The following SGCD variants were observed in gnomAD, a reference collection of about 807,000 sequenced individuals.
SGCD encodes the protein sarcoglycan delta.
A neutral mutation model predicts 36.6 loss-of-function variants in SGCD; 18 were observed. That is an observed-to-expected ratio of 0.49 (90% CI 0.34 to 0.73). SGCD has a LOEUF of 0.73. Ranked by LOEUF, SGCD falls within the 30% of genes least tolerant of loss-of-function variation. The probability of loss-of-function intolerance (pLI) is 0.01; values close to 1 mark genes in which losing one functional copy is unlikely to be tolerated. For synonymous variants in SGCD, 133 were observed against 130.6 expected (o/e 1.02, Z -0.12); for missense variants, 387 against 346.7 (o/e 1.12, Z -0.92).
At chr5:156,708,700 G>T (rs1287137629) in intron 7 of SGCD, among the ~76,000 whole-genome samples, 2 of 152,058 alleles carry the variant, frequency 1.3e-5, no homozygotes, top group Non-Finnish European at 2.9e-5. Context: ...TGAGCAAAGA[G>T]AAAGTGCACT....
At chr5:156,324,487 A>T (rs1014093056), upstream of SGCD, among the ~76,000 whole-genome samples, 2 of 152,130 alleles carry the variant, frequency 1.3e-5, no homozygotes, top group Non-Finnish European at 2.9e-5. Context: ...CAAGTTTTGC[A>T]TAACATTTCT....
intron 1 of SGCD, among the ~76,000 whole-genome samples, chr5:155,981,277 G>T (rs1002761676): frequency 2.0e-5 from 3 of 152,170 alleles, no homozygotes; most frequent in Admixed American, 2.0e-4. Flanking sequence ...CAGAATCCCC[G>T]ACTTGGGGCC....
At chr5:156,324,068 A>T (rs549958104), upstream of SGCD, among the ~76,000 whole-genome samples, 11 of 152,344 alleles carry the variant, frequency 7.2e-5, no homozygotes, top group South Asian at 1.9e-3. Context: ...ATGACATATA[A>T]ATATGAAAAG....
chr5:156,709,645 C>T (rs2113750568), intron 7 of SGCD, among the ~76,000 whole-genome samples: 1 of 152,248 alleles, frequency 6.6e-6, no homozygotes, highest in East Asian at 1.9e-4. Flanking sequence ...TGCAAGCCAC[C>T]ACTTGTATAA....
At chr5:156,379,822 G>T (rs2127746674) in intron 3 of SGCD, among the ~76,000 whole-genome samples, 1 of 152,224 alleles carries the variant, frequency 6.6e-6, no homozygotes, top group Middle Eastern at 3.4e-3. Flanking sequence ...TGTGAGAAAA[G>T]GAGAAATCCA....
the SGCD span, among the ~76,000 whole-genome samples, chr5:155,777,331 T>C: frequency 6.6e-6 from 1 of 150,504 alleles, no homozygotes; most frequent in African/African-American, 2.4e-5. Flanking sequence ...ACCAAACAAT[T>C]GAAGGCTTTG....
At chr5:156,241,343 T>G (rs1765302340) in intron 3 of SGCD, among the ~76,000 whole-genome samples, 1 of 151,530 alleles carries the variant, frequency 6.6e-6, no homozygotes, top group Non-Finnish European at 1.5e-5. Context: ...AAAATAGTCA[T>G]TCAGAAAATT....
chr5:156,212,869 A>G (rs567031365), intron 3 of SGCD, among the ~76,000 whole-genome samples: 1 of 152,230 alleles, frequency 6.6e-6, no homozygotes, highest in Non-Finnish European at 1.5e-5. Flanking sequence ...TCACAAATAC[A>G]TGGAAATTAA....
intron 3 of SGCD, among the ~76,000 whole-genome samples, chr5:156,181,065 T>C (rs972955202): frequency 6.6e-6 from 1 of 152,136 alleles, no homozygotes; most frequent in Non-Finnish European, 1.5e-5. Context: ...TTTCTCTCAG[T>C]GCTTTGGGAA....
chr5:156,274,446 G>A (rs151213766), intron 3 of SGCD, among the ~76,000 whole-genome samples: 72 of 151,898 alleles, frequency 4.7e-4, no homozygotes, highest in Non-Finnish European at 8.4e-4. Context: ...GCTAATATGA[G>A]ACTTTATACA....
At chr5:156,393,646 C>T (rs564671088) in intron 3 of SGCD, 25 of 441,116 alleles carry the variant, frequency 5.7e-5, no homozygotes, top group Admixed American at 5.2e-4. Context: ...AGAGTATTTA[C>T]ACCACAGAAA....
chr5:156,668,104 G>A (rs977744105), intron 7 of SGCD, among the ~76,000 whole-genome samples: 14 of 152,220 alleles, frequency 9.2e-5, no homozygotes, highest in African/African-American at 3.4e-4. Flanking sequence ...CAAAACCCAA[G>A]TGACTTCATC....
intron 1 of SGCD, among the ~76,000 whole-genome samples, chr5:156,012,186 A>G (rs757005068): frequency 1.3e-5 from 2 of 152,222 alleles, no homozygotes; most frequent in Non-Finnish European, 2.9e-5. Flanking sequence ...GATAATCATT[A>G]TTTTTTAAAT....
intron 6 of SGCD, among the ~76,000 whole-genome samples, chr5:156,608,807 T>A (rs1316957753): frequency 6.6e-6 from 1 of 152,172 alleles, no homozygotes; most frequent in Non-Finnish European, 1.5e-5. Context: ...AATGGCCTTC[T>A]TTGTCTCTTT....
At chr5:155,791,650 C>T in the SGCD span, among the ~76,000 whole-genome samples, 1 of 151,916 alleles carries the variant, frequency 6.6e-6, no homozygotes, top group Non-Finnish European at 1.5e-5. Context: ...GAACACAGTC[C>T]CATTTACAAT....
At chr5:156,442,487 A>G (rs2127797179) in intron 3 of SGCD, among the ~76,000 whole-genome samples, 1 of 152,324 alleles carries the variant, frequency 6.6e-6, no homozygotes, top group African/African-American at 2.4e-5. Context: ...TTAAAAAGAC[A>G]ATGCATATAT....
At chr5:156,468,438 A>G (rs568770798) in intron 3 of SGCD, among the ~76,000 whole-genome samples, 1 of 152,102 alleles carries the variant, frequency 6.6e-6, no homozygotes, top group Non-Finnish European at 1.5e-5. Flanking sequence ...ATTGATTGAC[A>G]TAAAAGAGGT....
At chr5:156,676,100 A>G (rs1753496738) in intron 7 of SGCD, among the ~76,000 whole-genome samples, 1 of 152,228 alleles carries the variant, frequency 6.6e-6, no homozygotes, top group Non-Finnish European at 1.5e-5. Context: ...AATATTTTGT[A>G]TTATCCAAGA....
At chr5:155,971,637 T>A (rs1377284438) in intron 1 of SGCD, among the ~76,000 whole-genome samples, 1 of 152,006 alleles carries the variant, frequency 6.6e-6, no homozygotes, top group East Asian at 1.9e-4. Context: ...AGATACGGGG[T>A]CAGGGGGAAA....
Sources: allele counts gnomAD v4.1 joint callset (sites outside exome capture counted in the v4.1 genomes callset), GRCh38; gene constraint gnomAD v4.1.1; transcripts MANE v1.5; gene names NCBI Gene and HGNC (gene_info 2026-07-23, HGNC 2026-07-21).